Variants in RORA observed in about 807,000 individuals in gnomAD.
RORA encodes nuclear receptor ROR-alpha.
In RORA, 7 loss-of-function variants were observed where a neutral mutation model predicts 69.5. The ratio of observed to expected loss-of-function variants is 0.10; its 90% CI spans 0.06 to 0.19. The LOEUF (loss-of-function observed/expected upper bound fraction) is 0.19. RORA is among the 10% of genes least tolerant of loss of function. The pLI is 1.00. For missense variants in RORA, 457 were observed against 663.0 expected (o/e 0.69, Z 3.41); for synonymous variants, 261 against 240.8 (o/e 1.08, Z -0.78).
At chr15:60,681,511 T>A (rs769537728) in intron 1 of RORA, 1 of 152,214 alleles carries the variant, frequency 6.6e-6, no homozygotes, top group Admixed American at 6.5e-5. Context: ...CAGTCCCTAC[T>A]ACTAGAAGAG....
intron 2 of RORA, among the ~76,000 whole-genome samples, chr15:60,572,608 T>G (rs2067915519): frequency 6.6e-6 from 1 of 152,166 alleles, no homozygotes; most frequent in Non-Finnish European, 1.5e-5. Flanking sequence ...AAGAAGCGCT[T>G]ATTGATGGGC....
chr15:61,211,925 T>C (rs2079995735), intron 1 of RORA: 1 of 152,178 alleles, frequency 6.6e-6, no homozygotes, highest in South Asian at 2.1e-4. Flanking sequence ...GCAATGGCAA[T>C]CCCACCCAGT....
intron 1 of RORA, among the ~76,000 whole-genome samples, chr15:61,222,412 T>C (rs2080106415): frequency 6.6e-6 from 1 of 152,264 alleles, no homozygotes; most frequent in Non-Finnish European, 1.5e-5. Flanking sequence ...TTGTTACCTA[T>C]AATTCCTTTT....
chr15:60,922,773 G>A (rs1892091759), intron 1 of RORA, among the ~76,000 whole-genome samples: 1 of 152,200 alleles, frequency 6.6e-6, no homozygotes, highest in African/African-American at 2.4e-5. Context: ...AACACCCAGA[G>A]TTTCTGTCTG....
At chr15:60,500,149 C>G (rs2065286645) in intron 9 of RORA, 145 bp from the exon 10 acceptor site, 4 of 590,412 alleles carry the variant, frequency 6.8e-6, no homozygotes, top group Non-Finnish European at 1.2e-5. Flanking sequence ...TTCAAAATTT[C>G]TCCTAATGGA....
At chr15:61,075,813 AAC>A (rs1455042668) in intron 1 of RORA, among the ~76,000 whole-genome samples, 1 of 152,160 alleles carries the variant, frequency 6.6e-6, no homozygotes, top group Non-Finnish European at 1.5e-5. Flanking sequence ...TCCCTGCTTC[AAC>A]ACACACACGC....
At chr15:60,620,878 G>T (rs1046540019) in intron 2 of RORA, among the ~76,000 whole-genome samples, 1 of 152,228 alleles carries the variant, frequency 6.6e-6, no homozygotes, top group African/African-American at 2.4e-5. Context: ...GCTCAGAGCC[G>T]GCACGGAAAG....
intron 1 of RORA, among the ~76,000 whole-genome samples, chr15:60,868,589 T>C (rs1290616880): frequency 1.3e-5 from 2 of 152,156 alleles, no homozygotes; most frequent in East Asian, 3.9e-4. Context: ...GAGAGGGATT[T>C]AAACAGCAAA....
intron 1 of RORA, among the ~76,000 whole-genome samples, chr15:60,833,359 G>T (rs2073074073): frequency 1.3e-5 from 2 of 152,032 alleles, no homozygotes; most frequent in South Asian, 4.2e-4. Context: ...GGGATTACAG[G>T]CATGCACCAC....
intron 1 of RORA, among the ~76,000 whole-genome samples, chr15:60,982,759 T>C (rs912405527): frequency 6.6e-6 from 1 of 152,202 alleles, no homozygotes; most frequent in Non-Finnish European, 1.5e-5. Flanking sequence ...GTTTTTGTTT[T>C]TAAATAAATG....
At chr15:60,577,202 G>A (rs1308280099) in intron 2 of RORA, among the ~76,000 whole-genome samples, 1 of 152,154 alleles carries the variant, frequency 6.6e-6, no homozygotes, top group African/African-American at 2.4e-5. Flanking sequence ...ATAATTTATA[G>A]CTCATCTGAT....
intron 1 of RORA, among the ~76,000 whole-genome samples, chr15:60,826,887 A>G (rs768078414): frequency 6.6e-6 from 1 of 152,038 alleles, no homozygotes; most frequent in Non-Finnish European, 1.5e-5. Context: ...CCCTAAGACA[A>G]TCTCAGAAAG....
chr15:60,610,421 T>C lies in RORA; in HGVS notation c.196+68236A>G, dbSNP rs370024948. On this transcript the variant is annotated intron_variant, in intron 2 of 10. Transcript: ENST00000335670. The stretch of plus-strand genomic sequence containing the variant: ...ATGTCCATCTCACCAGGGGTGACCT[T>C]CTGAGTGAACTTTGGGAGAGACGTG... Among the ~76,000 whole-genome samples, 163 of 148,616 alleles carry C rather than the reference T, an allele frequency of 1.1e-3. 1 individual carries two copies. The highest frequency in any genetic ancestry group is 4.1e-3 in the African/African-American group (156 of 38,060).
intron 2 of RORA, among the ~76,000 whole-genome samples, chr15:60,615,612 C>T (rs1308248287): frequency 6.6e-6 from 1 of 152,170 alleles, no homozygotes; most frequent in African/African-American, 2.4e-5. Context: ...TGTGAGCTCA[C>T]GATAGCCCAG....
Position 60,511,538 on chromosome 15 carries a change from G to A in RORA, c.508C>T (p.Arg170Cys), listed in dbSNP as rs1174783358. The A allele has an allele frequency of 5.0e-6, 8 of 1,612,224 alleles. No individual in the cohort carries two copies. The highest frequency in any genetic ancestry group is 4.5e-5 in the East Asian group (2 of 44,862). ...VQKHRMQQQQRDHQQQPGEAE... is the reference protein window; with the variant it reads ...VQKHRMQQQQCDHQQQPGEAE... ...TCTCCAGGCTGCTGCTGGTGGTCGC[G>A]CTGCTGCTGCTGCATCCGGTGTTTC... The change falls in exon 5 of 11, where the codon CGC becomes TGC. Residue 170 changes from arginine (R) to cysteine (C), a missense_variant. Physicochemically the swap from Arg to Cys is radical, Grantham distance 180. Transcript: ENST00000335670. This position sits in a 1 kb window ranked among gnomAD's most constrained non-coding sequence, Gnocchi z 6.4.
chr15:60,945,451 T>C (rs907446364), intron 1 of RORA, among the ~76,000 whole-genome samples: 6 of 152,156 alleles, frequency 3.9e-5, no homozygotes, highest in Non-Finnish European at 7.4e-5. Context: ...TGTTATATCA[T>C]GGCTGCTGCA....
chr15:60,767,505 G>A lies in RORA; in HGVS notation c.167-88819C>T, dbSNP rs2072008867. On this transcript the variant is annotated intron_variant, in intron 1 of 10. Coordinates refer to ENST00000335670, the MANE Select transcript of RORA (RefSeq NM_134261.3). ...AGCTGACGATAGAGGAGTTGGGTGT[G>A]GAACTAGAGCTATTAGCTTTGAAGC... Among the ~76,000 whole-genome samples the A allele has an allele frequency of 1.3e-5, 2 of 152,132 alleles. 1 individual carries two copies. The highest frequency in any genetic ancestry group is 2.9e-5 in the Non-Finnish European group (2 of 68,022).
intron 1 of RORA, among the ~76,000 whole-genome samples, chr15:61,117,287 C>CA (rs922300388): frequency 4.8e-5 from 7 of 146,096 alleles, no homozygotes; most frequent in East Asian, 4.0e-4. Flanking sequence ...TAAGTAAATC[C>CA]AAAAAAAAAT....
chr15:60,703,225 G>C (rs2071010845), intron 1 of RORA, among the ~76,000 whole-genome samples: 1 of 151,504 alleles, frequency 6.6e-6, no homozygotes, highest in Non-Finnish European at 1.5e-5. Flanking sequence ...ATAAATCTAA[G>C]CTGCTTAAAG....
Sources: gnomAD v4.1 joint callset for allele counts (sites outside exome capture counted in the v4.1 genomes callset) on GRCh38, gnomAD v4.1.1 for gene constraint, Gnocchi (gnomAD v3.1) non-coding constraint, MANE v1.5 for transcripts, NCBI Gene and HGNC (gene_info 2026-07-23, HGNC 2026-07-21) for gene names.